UBE3A: variants seen among roughly 807,000 people sequenced by gnomAD.
The protein encoded by UBE3A is ubiquitin protein ligase E3A, also known as ubiquitin-protein ligase E3A.
Under a neutral mutation model 83.4 loss-of-function variants are expected in UBE3A, and 6 were observed. That is an observed-to-expected ratio of 0.07 (90% CI 0.04 to 0.14). The LOEUF is 0.14. Among genes scored for constraint, UBE3A ranks in the 10% least tolerant of loss-of-function variants. The probability of loss-of-function intolerance (pLI) is 1.00; values close to 1 mark genes in which losing one functional copy is unlikely to be tolerated. For missense variants in UBE3A, 456 were observed against 1,036.1 expected, an observed-to-expected ratio of 0.44 and a Z score of 7.69; for synonymous variants, 337 against 355.4, an observed-to-expected ratio of 0.95 and a Z score of 0.58.
chr15:25,423,969 T>G (rs1418563631), intron 1 of UBE3A, among the ~76,000 whole-genome samples: 1 of 152,166 alleles, frequency 6.6e-6, no homozygotes, highest in Non-Finnish European at 1.5e-5. Context: ...AGTCACGTCT[T>G]AATCTGTACT....
At chr15:25,386,257 C>G (rs1025659098) in intron 4 of UBE3A, among the ~76,000 whole-genome samples, 1 of 152,160 alleles carries the variant, frequency 6.6e-6, no homozygotes, top group Admixed American at 6.5e-5. Context: ...CACCTTACAA[C>G]CACATTACTA....
chr15:25,395,323 T>G (rs1030913502), intron 4 of UBE3A, among the ~76,000 whole-genome samples: 1 of 152,188 alleles, frequency 6.6e-6, no homozygotes, highest in Non-Finnish European at 1.5e-5. Context: ...TTTAAAAAGA[T>G]CATTCCGGCT....
chr15:25,425,225 T>C (rs1458311045), intron 1 of UBE3A, among the ~76,000 whole-genome samples: 2 of 152,140 alleles, frequency 1.3e-5, no homozygotes, highest in Admixed American at 1.3e-4. Context: ...ACACATACTG[T>C]ATGATTCCCA....
intron 6 of UBE3A, among the ~76,000 whole-genome samples, chr15:25,368,201 A>G (rs2079639174): frequency 6.6e-6 from 1 of 152,152 alleles, no homozygotes; most frequent in South Asian, 2.1e-4. Flanking sequence ...CTTTCATATG[A>G]GAGAATAATC....
At chr15:25,388,533 C>T (rs1158047014) in intron 4 of UBE3A, among the ~76,000 whole-genome samples, 1 of 152,088 alleles carries the variant, frequency 6.6e-6, no homozygotes, top group African/African-American at 2.4e-5. Flanking sequence ...AAACTAGAAA[C>T]TTTCTTACTA....
intron 4 of UBE3A, among the ~76,000 whole-genome samples, chr15:25,377,687 G>A (rs1034882153): frequency 3.9e-5 from 6 of 152,072 alleles, no homozygotes; most frequent in Non-Finnish European, 5.9e-5. Context: ...TTAAAAACAC[G>A]AATACCGTGT....
intron 11 of UBE3A, among the ~76,000 whole-genome samples, chr15:25,340,665 T>C (rs2074588411): frequency 6.6e-6 from 1 of 152,184 alleles, no homozygotes; most frequent in African/African-American, 2.4e-5. Flanking sequence ...CCTGGTCTAC[T>C]CATCCTTTAA....
chr15:25,343,431 T>C (rs573899072), intron 11 of UBE3A, among the ~76,000 whole-genome samples: 4 of 152,006 alleles, frequency 2.6e-5, no homozygotes, highest in Non-Finnish European at 5.9e-5. Flanking sequence ...TAAATAAAAA[T>C]AAGAATACTA....
At chr15:25,388,639 G>A (rs531508064) in intron 4 of UBE3A, among the ~76,000 whole-genome samples, 1 of 151,632 alleles carries the variant, frequency 6.6e-6, no homozygotes, top group East Asian at 1.9e-4. Context: ...TACTAACGGG[G>A]AACAAAAAAA....
chr15:25,352,910 T>A (rs1270569864), intron 11 of UBE3A, among the ~76,000 whole-genome samples: 1 of 152,220 alleles, frequency 6.6e-6, no homozygotes, highest in Non-Finnish European at 1.5e-5. Flanking sequence ...GATCTTAAGA[T>A]ACATACCAAG....
At position 25,370,919 on chromosome 15, in the gene UBE3A, C is replaced by A; in HGVS notation, c.1255G>T (p.Gly419Cys). ...GTTTCCAGGGGGTCCACTCGAGGAC[C>A]TTTCTTGTTTCTTCTTTCTTCTCCC... The part of the protein sequence containing the change: ...LLGEERRNKK[G>C]PRVDPLETEL... Residue 419 changes from glycine to cysteine, a missense_variant, in exon 6 of 13, where the codon GGT (glycine) becomes TGT (cysteine). Transcript: ENST00000648336. This position sits in a 1 kb window ranked among gnomAD's most constrained non-coding sequence, Gnocchi z 4.2. The A allele has an allele frequency of 6.2e-7, 1 of 1,614,018 alleles. No individual in the cohort carries two copies. The highest frequency in any genetic ancestry group is 8.5e-7 in the Non-Finnish European group (1 of 1,179,980).
At chr15:25,424,930 C>T (rs938168102) in intron 1 of UBE3A, among the ~76,000 whole-genome samples, 2 of 152,116 alleles carry the variant, frequency 1.3e-5, no homozygotes, top group Non-Finnish European at 2.9e-5. Flanking sequence ...GGTAGCAATA[C>T]TTCCCAAATA....
At chr15:25,340,016 T>C in intron 12 of UBE3A, 69 bp downstream of exon 12, 7 of 1,583,710 alleles carry the variant, frequency 4.4e-6, no homozygotes, top group Non-Finnish European at 6.1e-6. Flanking sequence ...ATAAAGACAG[T>C]TCATATGTAT....
chr15:25,339,109 TTTTTGTTTTATTTTG>T lies in UBE3A; in HGVS notation c.*13_*27del. 6.8e-7 allele frequency: 1 copy of T among 1,478,584 alleles called. No individual in the cohort carries two copies. The highest frequency in any genetic ancestry group is 9.0e-7 in the Non-Finnish European group (1 of 1,108,454). 91.6% of individuals were successfully genotyped at this position (1,478,584 alleles called of 1,614,324 possible). A position where few individuals can be genotyped will look rare whatever the true frequency, so the allele number is the denominator to read the frequency against. On this transcript the variant is annotated 3_prime_UTR_variant, in exon 13 of 13. Coordinates refer to ENST00000648336, the MANE Select transcript of UBE3A (RefSeq NM_130839.5). ...TTTTTTCTTTTTTTTTCCTTCCTTT[TTTTTGTTTTATTTTG>T]TTTTGTTTTGTTTTACAGCATGCCA... is the stretch of plus-strand genomic sequence containing the variant.
chr15:25,359,713 T>C (rs1353269737), intron 7 of UBE3A, among the ~76,000 whole-genome samples: 1 of 152,150 alleles, frequency 6.6e-6, no homozygotes, highest in Non-Finnish European at 1.5e-5. Flanking sequence ...TTAAGTAGAC[T>C]ACCCAAAAGA....
intron 11 of UBE3A, among the ~76,000 whole-genome samples, chr15:25,341,293 G>A (rs183801624): frequency 6.4e-4 from 97 of 151,648 alleles, no homozygotes; most frequent in Admixed American, 2.0e-3. Context: ...GATGGGTCTC[G>A]ATCTCCTGAC....
intron 1 of UBE3A, among the ~76,000 whole-genome samples, chr15:25,435,959 G>C (rs531198192): frequency 1.3e-5 from 2 of 152,298 alleles, no homozygotes; most frequent in Non-Finnish European, 2.9e-5. Flanking sequence ...GAGTGCCTAC[G>C]TGTTAGGCGT....
chr15:25,389,510 CA>C (rs1446270738), intron 4 of UBE3A, among the ~76,000 whole-genome samples: 4 of 151,980 alleles, frequency 2.6e-5, no homozygotes, highest in Non-Finnish European at 5.9e-5. Context: ...TTGTCTTTTG[CA>C]AAAGACAATG....
chr15:25,337,538 TTC>T lies in UBE3A; in HGVS notation c.*1597_*1598del, dbSNP rs1240379959. 6.6e-6 allele frequency: 1 copy of T among 152,122 alleles called. No individual in the cohort carries two copies. Among genetic ancestry groups the T allele is most frequent in the African/African-American group, 2.4e-5 (1 of 41,426 alleles). The allele number at this position is 152,122 out of a possible 1,614,324, so 9.4% of individuals were successfully genotyped here. A position where few individuals can be genotyped will look rare whatever the true frequency, so the allele number is the denominator to read the frequency against. ...TAGCATTATGGTACATAACAAACAG[TTC>T]TGTCTCAATTATGAAAAAAATTAAT... On this transcript the variant is annotated 3_prime_UTR_variant, in exon 13 of 13. Transcript: ENST00000648336.
Sources: gnomAD v4.1 joint callset for allele counts (sites outside exome capture counted in the v4.1 genomes callset) on GRCh38, gnomAD v4.1.1 for gene constraint, Gnocchi (gnomAD v3.1) non-coding constraint, MANE v1.5 for transcripts, NCBI Gene and HGNC (gene_info 2026-07-23, HGNC 2026-07-21) for gene names.